USP28: variants seen among roughly 807,000 people sequenced by gnomAD.
USP28 encodes ubiquitin specific peptidase 28.
Under a neutral mutation model 145.0 loss-of-function variants are expected in USP28, and 113 were observed. The ratio of observed to expected loss-of-function variants is 0.78; its 90% CI spans 0.67 to 0.91. The LOEUF (loss-of-function observed/expected upper bound fraction) is 0.91. Among genes scored for constraint, USP28 ranks in the 40% least tolerant of loss-of-function variants. USP28 has a pLI of 0.00. For missense variants in USP28, 1,201 were observed against 1,289.6 expected, an observed-to-expected ratio of 0.93 and a Z score of 1.05; for synonymous variants, 447 against 450.9, an observed-to-expected ratio of 0.99 and a Z score of 0.11.
At chr11:113,819,813 C>T (rs1016362418) in intron 12 of USP28, among the ~76,000 whole-genome samples, 13 of 151,942 alleles carry the variant, frequency 8.6e-5, no homozygotes, top group African/African-American at 2.9e-4. Flanking sequence ...TCCACCTCCC[C>T]GGTTCAAGTG....
rs948933708 is a variant in USP28, at chr11:113,846,234, G to A, written c.269-4466C>T. Among the ~76,000 whole-genome samples, 3 of 152,126 alleles carry A rather than the reference G, an allele frequency of 2.0e-5. No homozygotes were observed. The East Asian group carries it at 5.8e-4, about 29-fold the overall frequency. On this transcript the variant is annotated intron_variant, in intron 3 of 24. Transcript: ENST00000003302. ...GTGAAATGTTTTGGAAATGGATGGT[G>A]GTGACAGTTGCACAACAATATGAAT...
intron 12 of USP28, 151 bp downstream of exon 12, chr11:113,823,454 A>T: frequency 1.6e-6 from 1 of 617,196 alleles, no homozygotes; most frequent in Non-Finnish European, 2.8e-6. Context: ...GATCCTGAAG[A>T]CTGCTTCACA....
intron 13 of USP28, 80 bp from the exon 14 acceptor site, chr11:113,815,462 ATGCT>A: frequency 7.5e-7 from 1 of 1,329,378 alleles, no homozygotes; most frequent in South Asian, 1.4e-5. Context: ...GGAAAGCAAG[ATGCT>A]ATATGAAAAA....
intron 18 of USP28, chr11:113,808,055 C>T: frequency 7.4e-7 from 1 of 1,345,116 alleles, no homozygotes; most frequent in Non-Finnish European, 9.6e-7. Context: ...GACTCTGCAT[C>T]ATTAGCCTTT....
At chr11:113,845,133 C>T (rs28849995) in intron 3 of USP28, among the ~76,000 whole-genome samples, 1 of 131,820 alleles carries the variant, frequency 7.6e-6, no homozygotes, top group African/African-American at 2.9e-5. Context: ...AAAAAAAAAA[C>T]AACAAAATAA....
chr11:113,813,274 A>T (rs1385724308), intron 15 of USP28, among the ~76,000 whole-genome samples: 1 of 152,128 alleles, frequency 6.6e-6, no homozygotes, highest in Non-Finnish European at 1.5e-5. Context: ...CATTCTAGAA[A>T]CAGGGCTCCC....
intron 12 of USP28, among the ~76,000 whole-genome samples, chr11:113,822,958 T>C (rs1045120937): frequency 3.9e-5 from 6 of 152,092 alleles, no homozygotes; most frequent in Middle Eastern, 3.2e-3. Flanking sequence ...GAAAGAAAAC[T>C]GTTAAGTGGA....
rs369508211 is a variant in USP28, at chr11:113,872,343, C to T, written c.57+3102G>A. 2.1e-4 allele frequency among the ~76,000 whole-genome samples: 32 copies of T among 152,104 alleles called. No individual in the cohort carries two copies. In the East Asian group the frequency reaches 5.8e-3, roughly 28 times the overall value. ...CTACTAAAAATACAGAAACATCAGCCGGGCGTGGTGGTGGGCACCTGTAGT... is the reference window on the plus strand; with the variant it reads ...CTACTAAAAATACAGAAACATCAGCTGGGCGTGGTGGTGGGCACCTGTAGT... On this transcript the variant is annotated intron_variant, in intron 1 of 24. Coordinates refer to ENST00000003302, the Ensembl canonical transcript of USP28.
intron 16 of USP28, 66 bp downstream of exon 16, chr11:113,812,210 G>A (rs1465768948): frequency 1.7e-5 from 21 of 1,237,610 alleles, no homozygotes; most frequent in South Asian, 1.2e-4. Context: ...AGCAGTACAA[G>A]ACTGTTCTTC....
chr11:113,806,568 G>A (rs910720028), exon 19 of USP28: 3 of 1,582,360 alleles, frequency 1.9e-6, no homozygotes, highest in Admixed American at 1.9e-5. Context: ...CCCTTGCATG[G>A]CAGGGCTCAG....
intron 17 of USP28, 60 bp downstream of exon 17, chr11:113,809,003 G>A (rs1290225013): frequency 1.3e-6 from 2 of 1,550,850 alleles, no homozygotes; most frequent in African/African-American, 2.7e-5. Flanking sequence ...TATAGGGCTG[G>A]CTAGGGGAGT....
intron 1 of USP28, among the ~76,000 whole-genome samples, chr11:113,856,061 T>C (rs1186324777): frequency 6.6e-6 from 1 of 152,346 alleles, no homozygotes; most frequent in East Asian, 1.9e-4. Context: ...TCATTGCCTG[T>C]GCACTGGGAG....
intron 1 of USP28, 38 bp downstream of exon 1, chr11:113,875,407 G>C (rs1433406604): frequency 1.1e-4 from 137 of 1,228,708 alleles, no homozygotes; most frequent in Non-Finnish European, 1.3e-4. Context: ...AGGGCCTGGA[G>C]CCCGCCCCCA....
intron 24 of USP28, 39 bp from the exon 26 acceptor site, chr11:113,799,454 C>T (rs1294776703): frequency 2.5e-6 from 4 of 1,586,204 alleles, no homozygotes; most frequent in Admixed American, 1.8e-5. Flanking sequence ...TACAGCTAAA[C>T]AGATTTCTGA....
chr11:113,814,043 T>A lies in USP28; in HGVS notation c.1673-88A>T, dbSNP rs149959901. 860 of 960,860 alleles carry A rather than the reference T, an allele frequency of 9.0e-4. 20 individuals carry two copies. In the East Asian group the frequency reaches 0.021, roughly 24 times the overall value. 59.5% of individuals were successfully genotyped at this position (960,860 alleles called of 1,614,324 possible). On this transcript the variant is annotated intron_variant, in intron 14 of 24. Coordinates refer to ENST00000003302, the Ensembl canonical transcript of USP28. ...ACTTTAACTAAGCAAAGAATATTGC[T>A]AGGGTCCTAATGATTTCAGCTTCCC...
At chr11:113,864,980 A>T (rs1313917704) in intron 1 of USP28, among the ~76,000 whole-genome samples, 1 of 152,038 alleles carries the variant, frequency 6.6e-6, no homozygotes, top group African/African-American at 2.4e-5. Context: ...GGGAACACAG[A>T]TGTGTGCCAT....
intron 1 of USP28, among the ~76,000 whole-genome samples, chr11:113,866,991 T>C (rs1419690644): frequency 6.6e-6 from 1 of 152,178 alleles, no homozygotes; most frequent in African/African-American, 2.4e-5. Context: ...ATGCTACAAC[T>C]TGAACAAATC....
intron 22 of USP28, 56 bp from the exon 24 acceptor site, chr11:113,803,337 C>A: frequency 6.6e-7 from 1 of 1,514,054 alleles, no homozygotes. Flanking sequence ...AAATCTAGGG[C>A]TTAGACCTCA....
At chr11:113,841,450 TCTA>T (rs1160896846) in intron 4 of USP28, among the ~76,000 whole-genome samples, 1 of 152,222 alleles carries the variant, frequency 6.6e-6, no homozygotes, top group Non-Finnish European at 1.5e-5. Flanking sequence ...CTTGCACACT[TCTA>T]CTCAAAGACA....
Sources: gnomAD v4.1 joint callset for allele counts (sites outside exome capture counted in the v4.1 genomes callset) on GRCh38, gnomAD v4.1.1 for gene constraint, MANE v1.5 for transcripts, NCBI Gene and HGNC (gene_info 2026-07-23, HGNC 2026-07-21) for gene names.